The following SIRT4 variants were observed in gnomAD, a reference collection of about 807,000 sequenced individuals.
SIRT4 encodes the protein NAD-dependent protein lipoamidase sirtuin-4, mitochondrial.
Under a neutral mutation model 26.1 loss-of-function variants are expected in SIRT4, and 23 were observed. The observed-to-expected ratio is 0.88, with a 90% CI of 0.63 to 1.25. SIRT4 has a LOEUF of 1.25. Among genes scored for constraint, SIRT4 ranks in the 50% most tolerant of loss-of-function variants. The probability of loss-of-function intolerance (pLI) is 0.00; values close to 1 mark genes in which losing one functional copy is unlikely to be tolerated. For synonymous variants in SIRT4, 155 were observed against 158.4 expected (o/e 0.98, Z 0.16); for missense variants, 361 against 405.4 (o/e 0.89, Z 0.94).
intron 2 of SIRT4, among the ~76,000 whole-genome samples, chr12:120,308,630 G>A (rs1311031314): frequency 6.6e-6 from 1 of 152,186 alleles, no homozygotes; most frequent in African/African-American, 2.4e-5. Context: ...GCAGAAACCA[G>A]ATTGTCTGGG....
upstream of SIRT4, among the ~76,000 whole-genome samples, chr12:120,300,194 A>G (rs1232670612): frequency 6.6e-6 from 1 of 151,750 alleles, no homozygotes; most frequent in Non-Finnish European, 1.5e-5. Context: ...CGAGAGGATG[A>G]GGTTGGAGGA....
At chr12:120,297,899 T>C (rs1872390613), upstream of SIRT4, among the ~76,000 whole-genome samples, 1 of 152,140 alleles carries the variant, frequency 6.6e-6, no homozygotes, top group Non-Finnish European at 1.5e-5. Context: ...GGGGGGATTA[T>C]AATTTTTTTG....
chr12:120,292,024 G>A, the SIRT4 span: 1 of 152,188 alleles, frequency 6.6e-6, no homozygotes, highest in African/African-American at 2.4e-5. Context: ...CGTATTTAAG[G>A]CCCATCTGCA....
intron 2 of SIRT4, among the ~76,000 whole-genome samples, chr12:120,308,056 T>C (rs183655265): frequency 2.5e-4 from 38 of 152,182 alleles, no homozygotes; most frequent in African/African-American, 9.2e-4. Flanking sequence ...AGGATCTTGC[T>C]GTGTTGCCTA....
chr12:120,296,791 T>C, the SIRT4 span, among the ~76,000 whole-genome samples: 1 of 151,800 alleles, frequency 6.6e-6, no homozygotes, highest in Non-Finnish European at 1.5e-5. Context: ...ATTACAGGCA[T>C]GAGCCACTGC....
chr12:120,304,873 G>T (rs1872694461), intron 2 of SIRT4, among the ~76,000 whole-genome samples: 1 of 140,680 alleles, frequency 7.1e-6, no homozygotes, highest in Non-Finnish European at 1.5e-5. Context: ...GAAAGTTGAG[G>T]CCGGGTGTGG....
upstream of SIRT4, among the ~76,000 whole-genome samples, chr12:120,297,358 C>CT (rs1262301103): frequency 1.0e-5 from 1 of 98,418 alleles, no homozygotes; most frequent in Non-Finnish European, 2.1e-5. Context: ...GAGAAAAAGA[C>CT]TAAAGCCCTA....
chr12:120,296,504 G>GT, the SIRT4 span, among the ~76,000 whole-genome samples: 134 of 124,268 alleles, frequency 1.1e-3, no homozygotes, highest in East Asian at 1.5e-3. Flanking sequence ...CTTGTTTTGT[G>GT]TTTTTTTTTT....
intron 2 of SIRT4, among the ~76,000 whole-genome samples, chr12:120,308,819 C>G (rs1389183439): frequency 6.6e-6 from 1 of 152,092 alleles, no homozygotes; most frequent in Non-Finnish European, 1.5e-5. Flanking sequence ...GCCTGAAAGA[C>G]CTAGACTAAG....
the SIRT4 span, among the ~76,000 whole-genome samples, chr12:120,293,398 T>G: frequency 6.6e-6 from 1 of 152,216 alleles, no homozygotes; most frequent in Non-Finnish European, 1.5e-5. Flanking sequence ...CTGCATATCG[T>G]TGCTGATTTC....
At chr12:120,311,319 C>T (rs913060155) in intron 2 of SIRT4, among the ~76,000 whole-genome samples, 1 of 150,994 alleles carries the variant, frequency 6.6e-6, no homozygotes, top group African/African-American at 2.4e-5. Context: ...CGCGCCATTG[C>T]ACTCCAGCCT....
At chr12:120,293,417 A>G in the SIRT4 span, among the ~76,000 whole-genome samples, 1 of 152,306 alleles carries the variant, frequency 6.6e-6, no homozygotes, top group Middle Eastern at 3.4e-3. Flanking sequence ...TCACTTAGCT[A>G]GGTTTTTGTT....
chr12:120,311,718 A>G (rs1459649567), intron 2 of SIRT4, among the ~76,000 whole-genome samples: 14 of 131,310 alleles, frequency 1.1e-4, no homozygotes, highest in African/African-American at 3.7e-4. Flanking sequence ...CTGGGCAATG[A>G]GAGTGAAACT....
upstream of SIRT4, among the ~76,000 whole-genome samples, chr12:120,299,087 C>T (rs1169744182): frequency 6.7e-6 from 1 of 148,694 alleles, no homozygotes; most frequent in Non-Finnish European, 1.5e-5. Context: ...AAAAATTAGC[C>T]GGGTGTGGTG....
the SIRT4 span, chr12:120,291,963 T>C: frequency 6.6e-6 from 1 of 152,096 alleles, no homozygotes; most frequent in African/African-American, 2.4e-5. Context: ...ACATTGAGGG[T>C]GAGTGCCTGC....
chr12:120,312,757 G>T lies in SIRT4; in HGVS notation c.792+7G>T. On this transcript the variant is annotated splice_region_variant and intron_variant, in intron 3 of 3. Coordinates refer to ENST00000202967, the MANE Select transcript of SIRT4 (RefSeq NM_012240.3). ...GGTGGGATCATCCTTGCAGGTATCT[G>T]ACTTGGCAAGAGTGGTAACCACCCC... The T allele has an allele frequency of 6.2e-7, 1 of 1,610,460 alleles. No individual in the cohort carries two copies. Among genetic ancestry groups the T allele is most frequent in the South Asian group, 1.1e-5 (1 of 90,822 alleles).
In SIRT4 at chr12:120,304,828, TATATATA is replaced by T. The variant is rs141696944; in HGVS notation, c.497+771_497+777del. On this transcript the variant is annotated intron_variant, in intron 2 of 3. Transcript: ENST00000202967. ...TTATATATATATATATATATATATA[TATATATA>T]TTTTTTTTTTTTTTTTTTTTTTTTA... 8.2e-3 allele frequency among the ~76,000 whole-genome samples: 51 copies of T among 6,186 alleles called. 2 individuals carry two copies. Among genetic ancestry groups the T allele is most frequent in the Non-Finnish European group, 0.012 (29 of 2,360 alleles). 4.1% of individuals were successfully genotyped at this position (6,186 alleles called of 152,430 possible). A position where few individuals can be genotyped will look rare whatever the true frequency, so the allele number is the denominator to read the frequency against.
chr12:120,308,540 CAG>C (rs1303576020), intron 2 of SIRT4, among the ~76,000 whole-genome samples: 3 of 152,120 alleles, frequency 2.0e-5, no homozygotes, highest in African/African-American at 7.2e-5. Context: ...GAGCGGGAAA[CAG>C]GGCTTTCCAA....
chr12:120,297,316 C>CAAAAAAAAAAAA (rs56259520), upstream of SIRT4, among the ~76,000 whole-genome samples: 1 of 67,642 alleles, frequency 1.5e-5, no homozygotes, highest in Admixed American at 1.9e-4. Context: ...CGCCTGTAAT[C>CAAAAAAAAAAAA]AAAAAAAAAA....
Sources: gnomAD v4.1 joint callset for allele counts (sites outside exome capture counted in the v4.1 genomes callset) on GRCh38, gnomAD v4.1.1 for gene constraint, MANE v1.5 for transcripts, NCBI Gene and HGNC (gene_info 2026-07-23, HGNC 2026-07-21) for gene names.